The following FBRSL1 variants were observed in gnomAD, a reference collection of about 807,000 sequenced individuals.
FBRSL1 encodes the protein fibrosin like 1.
In FBRSL1, 51 loss-of-function variants were observed where a neutral mutation model predicts 89.6. The ratio of observed to expected loss-of-function variants is 0.57; its 90% CI spans 0.45 to 0.72. FBRSL1 has a LOEUF of 0.72. Among genes scored for constraint, FBRSL1 ranks in the 30% least tolerant of loss-of-function variants. The pLI, the probability that FBRSL1 is intolerant of heterozygous loss-of-function variation, is 0.00. For synonymous variants in FBRSL1, 779 were observed against 681.1 expected, an observed-to-expected ratio of 1.14 and a Z score of -2.24; for missense variants, 1,618 against 1,451.8, an observed-to-expected ratio of 1.11 and a Z score of -1.86.
chr12:132,553,208 T>C (rs1473025660), intron 5 of FBRSL1: 1 of 152,430 alleles, frequency 6.6e-6, no homozygotes, highest in Non-Finnish European at 1.5e-5. Flanking sequence ...CTGGGGAACG[T>C]GGGCCAGGAC....
At chr12:132,564,273 C>T (rs1265451698) in intron 5 of FBRSL1, among the ~76,000 whole-genome samples, 1 of 152,176 alleles carries the variant, frequency 6.6e-6, no homozygotes, top group Non-Finnish European at 1.5e-5. Context: ...GAACAGCAGC[C>T]CAGCTCCCTT....
chr12:132,490,670 T>C lies in FBRSL1; in HGVS notation c.100T>C (p.Ser34Pro). 1.0e-6 allele frequency: 1 copy of C among 997,306 alleles called. No individual in the cohort carries two copies. Among genetic ancestry groups the C allele is most frequent in the Admixed American group, 5.2e-5 (1 of 19,182 alleles). The allele number at this position is 997,306 out of a possible 1,614,324, so 61.8% of individuals were successfully genotyped here. The change falls in exon 1 of 19, where the codon TCG (serine) becomes CCG (proline). Residue 34 changes from serine to proline, a missense_variant. By Grantham distance (74) the Ser-to-Pro change is moderately conservative. Coordinates refer to ENST00000680143, the MANE Select transcript of FBRSL1 (RefSeq NM_001367871.1). The stretch of plus-strand genomic sequence containing the variant: ...CGACGCCCGCGCCCAGAGTCCGTCG[T>C]CGGGCGACGAGCCCGAGCCCAGCCC... Reference protein sequence around the residue: ...ARDARAQSPSSGDEPEPSPGK... With the variant: ...ARDARAQSPSPGDEPEPSPGK...
intron 15 of FBRSL1, among the ~76,000 whole-genome samples, chr12:132,577,904 TACACAGTTAC>T (rs968175504): frequency 5.8e-4 from 89 of 152,286 alleles, no homozygotes; most frequent in Admixed American, 1.6e-3. Flanking sequence ...TTTCTACACA[TACACAGTTAC>T]ACACAGTTAC....
Position 132,570,394 on chromosome 12 carries a change from C to G in FBRSL1, c.1067C>G (p.Pro356Arg), listed in dbSNP as rs936298437. 1.3e-6 allele frequency: 2 copies of G among 1,534,550 alleles called. No homozygotes were observed. Among genetic ancestry groups the G allele is most frequent in the Non-Finnish European group, 8.7e-7 (1 of 1,145,644 alleles). Residue 356 changes from proline (P) to arginine (R), a missense_variant, in exon 8 of 19, where the codon CCG becomes CGG. Coordinates refer to ENST00000680143, the MANE Select transcript of FBRSL1 (RefSeq NM_001367871.1). Reference protein sequence around the residue: ...GKHVSLSPHGPGPHLSTSHLA... With the variant: ...GKHVSLSPHGRGPHLSTSHLA... The stretch of plus-strand genomic sequence containing the variant: ...CACGTGTCGCTGTCGCCACACGGGC[C>G]GGGCCCCCACCTGTCTACCTCACAC...
intron 4 of FBRSL1, among the ~76,000 whole-genome samples, chr12:132,541,172 T>C (rs557392280): frequency 1.2e-4 from 17 of 141,812 alleles, no homozygotes; most frequent in African/African-American, 3.8e-4. Context: ...GGGCACAGCC[T>C]CCCACCACAC....
chr12:132,583,237 C>A lies in FBRSL1; in HGVS notation c.2468C>A (p.Ala823Asp). 7.3e-7 allele frequency: 1 copy of A among 1,369,400 alleles called. No individual in the cohort carries two copies. Among genetic ancestry groups the A allele is most frequent in the South Asian group, 1.5e-5 (1 of 66,142 alleles). 84.8% of individuals were successfully genotyped at this position (1,369,400 alleles called of 1,614,324 possible). The change falls in exon 19 of 19, where the codon GCC becomes GAC. Residue 823 changes from alanine (A) to aspartate (D), a missense_variant. Ala to Asp is a moderately radical substitution (Grantham distance 126, BLOSUM62 -2). Transcript: ENST00000680143. ...KVKEERGEDE[A>D]SEPPAGGLHP... ...AAGGAGGAGCGCGGGGAGGACGAGG[C>A]CTCCGAGCCCCCGGCGGGCGGCCTG...
chr12:132,515,282 A>G (rs890919407), intron 2 of FBRSL1, among the ~76,000 whole-genome samples: 1 of 152,138 alleles, frequency 6.6e-6, no homozygotes, highest in Non-Finnish European at 1.5e-5. Flanking sequence ...AACCACCCAG[A>G]TGACTGGGCT....
chr12:132,504,981 A>T lies in FBRSL1; in HGVS notation c.292-3172A>T, dbSNP rs2033503327. On this transcript the variant is annotated intron_variant, in intron 1 of 18. Transcript: ENST00000680143. ...TCTGTCTCTAGTAAAAACACAAAAA[A>T]ATTAGCTGGGCGTGGTGACCTGTAA... Among the ~76,000 whole-genome samples, 3 of 152,100 alleles carry T rather than the reference A, an allele frequency of 2.0e-5. No homozygotes were observed. The South Asian group carries it at 6.2e-4, about 32-fold the overall frequency.
chr12:132,496,293 C>T (rs2032020401), intron 1 of FBRSL1, among the ~76,000 whole-genome samples: 1 of 152,208 alleles, frequency 6.6e-6, no homozygotes, highest in African/African-American at 2.4e-5. Context: ...CCGCCATATC[C>T]CGCCTTTGTG....
chr12:132,540,435 G>T (rs1421360101), intron 4 of FBRSL1, among the ~76,000 whole-genome samples: 1 of 149,864 alleles, frequency 6.7e-6, no homozygotes. Context: ...GCGCCCAGCT[G>T]GTCCCGGCCA....
In FBRSL1 at chr12:132,560,812, T is replaced by A. The variant is rs1469905556; in HGVS notation, c.646-6669T>A. On this transcript the variant is annotated intron_variant, in intron 5 of 18. Transcript: ENST00000680143. ...CCTGTACCCTGGGCTTGAGTGATCC[T>A]CTACCCCACGCGGGCTAGGAGGCAG... Among the ~76,000 whole-genome samples, 3 of 152,162 alleles carry A rather than the reference T, an allele frequency of 2.0e-5. No individual in the cohort carries two copies. In the East Asian group the frequency reaches 5.8e-4, roughly 29 times the overall value.
At chr12:132,497,288 G>A (rs565782909) in intron 1 of FBRSL1, among the ~76,000 whole-genome samples, 15 of 152,304 alleles carry the variant, frequency 9.8e-5, no homozygotes, top group African/African-American at 3.4e-4. Flanking sequence ...ATGAGGGAGA[G>A]GTCATGGGAC....
In FBRSL1 at chr12:132,583,904, G is replaced by A. The variant is rs1474749918; in HGVS notation, c.*126G>A. 1.5e-5 allele frequency: 6 copies of A among 407,874 alleles called. No individual in the cohort carries two copies. The highest frequency in any genetic ancestry group is 2.2e-5 in the Non-Finnish European group (6 of 266,922). 25.3% of individuals were successfully genotyped at this position (407,874 alleles called of 1,614,324 possible). A position where few individuals can be genotyped will look rare whatever the true frequency, so the allele number is the denominator to read the frequency against. ...GCCGCCTCTCCACCCGCAGCCTGCG[G>A]AGGCGGGGACTTGGGTGTCGGCTTT... On this transcript the variant is annotated 3_prime_UTR_variant, in exon 19 of 19. Transcript: ENST00000680143.
intron 2 of FBRSL1, among the ~76,000 whole-genome samples, chr12:132,512,973 A>G (rs566861161): frequency 6.6e-6 from 1 of 152,316 alleles, no homozygotes; most frequent in East Asian, 1.9e-4. Flanking sequence ...TGGGGAGGGC[A>G]GAGACACCAG....
intron 1 of FBRSL1, among the ~76,000 whole-genome samples, chr12:132,495,004 C>T (rs1239913068): frequency 2.0e-5 from 3 of 152,222 alleles, no homozygotes; most frequent in African/African-American, 2.4e-5. Flanking sequence ...TGTCTGTGGG[C>T]GAGCTGTGAC....
In FBRSL1 at chr12:132,514,918, C is replaced by A. The variant is rs185910058; in HGVS notation, c.489+6568C>A. 2.5e-4 allele frequency among the ~76,000 whole-genome samples: 38 copies of A among 152,262 alleles called. No homozygotes were observed. In the East Asian group the frequency reaches 7.3e-3, roughly 29 times the overall value. On this transcript the variant is annotated intron_variant, in intron 2 of 18. Coordinates refer to ENST00000680143, the MANE Select transcript of FBRSL1 (RefSeq NM_001367871.1). ...GTAATCTATATAAAAATTGTCACATCTTTTTTACTCTTTTTTTTGTAGAGT... is the reference window on the plus strand; with the variant it reads ...GTAATCTATATAAAAATTGTCACATATTTTTTACTCTTTTTTTTGTAGAGT...
rs2040741624 is a variant in FBRSL1 at position 132,581,462 on chromosome 12, C to G, written c.1858C>G (p.Pro620Ala). Residue 620 changes from proline to alanine, a missense_variant, in exon 16 of 19, where the codon CCA becomes GCA. By Grantham distance (27) the Pro-to-Ala change is conservative. Transcript: ENST00000680143. The stretch of plus-strand genomic sequence containing the variant: ...AGGTGCCGCCCATCCTGCCTCCAAC[C>G]CATTTGGACCCTCAGCCCATCCTGG... ...STGAAHPASNPFGPSAHPGSF... is the reference protein window; with the variant it reads ...STGAAHPASNAFGPSAHPGSF... 1.3e-6 allele frequency: 2 copies of G among 1,550,984 alleles called. No individual in the cohort carries two copies. Among genetic ancestry groups the G allele is most frequent in the South Asian group, 1.2e-5 (1 of 84,074 alleles).
chr12:132,555,396 C>T (rs1389317378), intron 5 of FBRSL1, among the ~76,000 whole-genome samples: 1 of 147,330 alleles, frequency 6.8e-6, no homozygotes, highest in Non-Finnish European at 1.5e-5. Context: ...GTGGCCTCCA[C>T]GGTAGCCGCC....
intron 5 of FBRSL1, among the ~76,000 whole-genome samples, chr12:132,561,388 G>A (rs1282679584): frequency 6.6e-6 from 1 of 152,200 alleles, no homozygotes; most frequent in Non-Finnish European, 1.5e-5. Flanking sequence ...TTCGAACCTG[G>A]GACGTGGAGC....
Sources: gnomAD v4.1 joint callset for allele counts (sites outside exome capture counted in the v4.1 genomes callset) on GRCh38, gnomAD v4.1.1 for gene constraint, MANE v1.5 for transcripts, NCBI Gene and HGNC (gene_info 2026-07-23, HGNC 2026-07-21) for gene names.